DEPDC1B: variants seen among roughly 807,000 people sequenced by gnomAD.
DEPDC1B encodes DEP domain-containing protein 1B.
In DEPDC1B, 51 loss-of-function variants were observed where a neutral mutation model predicts 66.5. The ratio of observed to expected loss-of-function variants is 0.77; its 90% confidence interval spans 0.61 to 0.97. The LOEUF is 0.97. DEPDC1B is among the 50% of genes least tolerant of loss of function. The pLI is 0.00. For missense variants in DEPDC1B, 552 were observed against 637.1 expected, an observed-to-expected ratio of 0.87 and a Z score of 1.44; for synonymous variants, 226 against 223.6, an observed-to-expected ratio of 1.01 and a Z score of -0.10.
chr5:60,608,256 T>C (rs888807965), intron 7 of DEPDC1B, among the ~76,000 whole-genome samples: 2 of 152,148 alleles, frequency 1.3e-5, no homozygotes, highest in Non-Finnish European at 2.9e-5. Flanking sequence ...TTTTTCCAAA[T>C]TAAAAATCCC....
At chr5:60,610,848 T>G (rs1286982921) in intron 7 of DEPDC1B, among the ~76,000 whole-genome samples, 1 of 152,206 alleles carries the variant, frequency 6.6e-6, no homozygotes, top group Non-Finnish European at 1.5e-5. Flanking sequence ...CTTTTTTGAT[T>G]TTTCAGCTGA....
At chr5:60,684,528 T>G (rs1392875639) in intron 2 of DEPDC1B, among the ~76,000 whole-genome samples, 1 of 152,164 alleles carries the variant, frequency 6.6e-6, no homozygotes, top group African/African-American at 2.4e-5. Context: ...CTAGAAAAAC[T>G]GGATATCCTT....
chr5:60,690,913 T>C (rs1186975840), intron 1 of DEPDC1B, among the ~76,000 whole-genome samples: 1 of 152,240 alleles, frequency 6.6e-6, no homozygotes, highest in Non-Finnish European at 1.5e-5. Flanking sequence ...GCCACATTCA[T>C]AATTCCTGAG....
chr5:60,633,708 G>GA, intron 7 of DEPDC1B, among the ~76,000 whole-genome samples: 1 of 152,296 alleles, frequency 6.6e-6, no homozygotes, highest in Non-Finnish European at 1.5e-5. Flanking sequence ...AAATGATAAA[G>GA]AAAGTGTTCT....
At chr5:60,615,372 G>A (rs897630359) in intron 7 of DEPDC1B, among the ~76,000 whole-genome samples, 5 of 152,222 alleles carry the variant, frequency 3.3e-5, no homozygotes, top group Admixed American at 6.5e-5. Flanking sequence ...GGAAGCACAA[G>A]GGGTCAGGGA....
intron 2 of DEPDC1B, among the ~76,000 whole-genome samples, chr5:60,686,375 T>A (rs79021663): frequency 2.5e-4 from 38 of 152,180 alleles, no homozygotes; most frequent in African/African-American, 8.7e-4. Context: ...AAGTATGCAG[T>A]AAGAAGTGAA....
At chr5:60,612,886 T>C (rs979629084) in intron 7 of DEPDC1B, among the ~76,000 whole-genome samples, 2 of 152,180 alleles carry the variant, frequency 1.3e-5, no homozygotes, top group African/African-American at 2.4e-5. Flanking sequence ...CATATTGTTC[T>C]GGTTTCCATC....
chr5:60,640,914 T>C lies in DEPDC1B; in HGVS notation c.757+1898A>G, dbSNP rs534948975. ...GGGTCAACAGGAATTTCAGAAAACA[T>C]TGTGACTTTATAAAGCTACTCAAAA... On this transcript the variant is annotated intron_variant, in intron 6 of 10. Transcript: ENST00000265036. 1.1e-4 allele frequency among the ~76,000 whole-genome samples: 13 copies of C among 116,434 alleles called. No homozygotes were observed. In the East Asian group the frequency reaches 2.0e-3, roughly 18 times the overall value. 76.4% of individuals were successfully genotyped at this position (116,434 alleles called of 152,430 possible).
chr5:60,618,277 T>A (rs577510489), intron 7 of DEPDC1B, among the ~76,000 whole-genome samples: 1 of 151,946 alleles, frequency 6.6e-6, no homozygotes, highest in South Asian at 2.1e-4. Flanking sequence ...AGGCAAGAAA[T>A]AACTAAGATC....
intron 7 of DEPDC1B, among the ~76,000 whole-genome samples, chr5:60,616,271 A>C (rs1752552061): frequency 6.6e-6 from 1 of 152,240 alleles, no homozygotes; most frequent in African/African-American, 2.4e-5. Context: ...CCTCAGCAGC[A>C]ACAGAACAAA....
chr5:60,638,040 T>G (rs531815322), intron 7 of DEPDC1B, among the ~76,000 whole-genome samples: 1 of 152,256 alleles, frequency 6.6e-6, no homozygotes, highest in African/African-American at 2.4e-5. Flanking sequence ...TTCCTACAAC[T>G]TTACCTAACA....
At chr5:60,660,649 C>T (rs772930935) in intron 2 of DEPDC1B, among the ~76,000 whole-genome samples, 4 of 152,222 alleles carry the variant, frequency 2.6e-5, no homozygotes, top group African/African-American at 4.8e-5. Flanking sequence ...ATTGTAAGCA[C>T]ACCTCACCAG....
chr5:60,636,023 C>T (rs1015711646), intron 7 of DEPDC1B, among the ~76,000 whole-genome samples: 4 of 152,142 alleles, frequency 2.6e-5, no homozygotes, highest in Admixed American at 2.6e-4. Context: ...TATCTGCCTC[C>T]CTCCTTTCCT....
intron 7 of DEPDC1B, 57 bp from the exon 8 acceptor site, chr5:60,605,913 T>C: frequency 7.0e-7 from 1 of 1,436,136 alleles, no homozygotes; most frequent in African/African-American, 1.4e-5. Flanking sequence ...GTAGATTCTA[T>C]ATGGTTGTAT....
At chr5:60,656,572 G>A (rs1162632146) in intron 2 of DEPDC1B, among the ~76,000 whole-genome samples, 1 of 152,170 alleles carries the variant, frequency 6.6e-6, no homozygotes, top group East Asian at 1.9e-4. Context: ...CAGAGACCAG[G>A]TAATTTATAA....
chr5:60,673,991 C>T (rs745477338), intron 2 of DEPDC1B, among the ~76,000 whole-genome samples: 2 of 152,138 alleles, frequency 1.3e-5, no homozygotes, highest in African/African-American at 2.4e-5. Context: ...TATCCTACTG[C>T]TCAAGGTCAC....
chr5:60,699,827 C>T (rs1754743182), intron 1 of DEPDC1B, among the ~76,000 whole-genome samples: 1 of 152,252 alleles, frequency 6.6e-6, no homozygotes, highest in Admixed American at 6.5e-5. Flanking sequence ...ATCTCATGGA[C>T]AAAGCTGCAC....
At chr5:60,627,999 A>G (rs1417193371) in intron 7 of DEPDC1B, among the ~76,000 whole-genome samples, 1 of 152,198 alleles carries the variant, frequency 6.6e-6, no homozygotes, top group Non-Finnish European at 1.5e-5. Flanking sequence ...AAATAAGAAT[A>G]AATAATAAAA....
At chr5:60,692,370 A>G (rs1754566053) in intron 1 of DEPDC1B, among the ~76,000 whole-genome samples, 2 of 152,220 alleles carry the variant, frequency 1.3e-5, no homozygotes, top group African/African-American at 4.8e-5. Context: ...TGGATATGGT[A>G]ATTAGCTTGA....
Sources: gnomAD v4.1 joint callset for allele counts (sites outside exome capture counted in the v4.1 genomes callset) on GRCh38, gnomAD v4.1.1 for gene constraint, MANE v1.5 for transcripts, NCBI Gene and HGNC (gene_info 2026-07-23, HGNC 2026-07-21) for gene names.